The following CSRP1 variants were observed in gnomAD, a reference collection of about 807,000 sequenced individuals.
CSRP1 encodes the protein cysteine and glycine-rich protein 1.
In CSRP1, 16 loss-of-function variants were observed where a neutral mutation model predicts 25.4. That is an observed-to-expected ratio of 0.63 (90% CI 0.43 to 0.96). The LOEUF (loss-of-function observed/expected upper bound fraction) is 0.96, where lower values mean the gene tolerates loss of function less well. Ranked by LOEUF, CSRP1 falls within the 40% of genes least tolerant of loss-of-function variation. The pLI, the probability that CSRP1 is intolerant of heterozygous loss-of-function variation, is 0.00. For synonymous variants in CSRP1, 97 were observed against 95.3 expected (o/e 1.02, Z -0.10); for missense variants, 212 against 243.6 (o/e 0.87, Z 0.86).
At chr1:201,506,183 C>T (rs1664817870) in intron 1 of CSRP1, among the ~76,000 whole-genome samples, 1 of 152,126 alleles carries the variant, frequency 6.6e-6, no homozygotes, top group Admixed American at 6.5e-5. Context: ...TCTACCAGGG[C>T]CCAGTGGATT....
In CSRP1 at chr1:201,485,217, C is replaced by T. The variant is rs1571771611; in HGVS notation, c.505+66G>A. On this transcript the variant is annotated intron_variant, in intron 5 of 5. Coordinates refer to ENST00000340006, the MANE Select transcript of CSRP1 (RefSeq NM_004078.3). ...GGAATTAGTTTACATTCAGCAAAGG[C>T]AAAACTACTTAGCCCCCCTACCCCC... is the stretch of plus-strand genomic sequence containing the variant. The T allele has an allele frequency of 3.5e-6, 5 of 1,420,448 alleles. No individual in the cohort carries two copies. In the East Asian group the frequency reaches 9.1e-5, roughly 26 times the overall value. The allele number at this position is 1,420,448 out of a possible 1,614,324, so 88.0% of individuals were successfully genotyped here. A position where few individuals can be genotyped will look rare whatever the true frequency, so the allele number is the denominator to read the frequency against.
intron 4 of CSRP1, 146 bp from the exon 5 acceptor site, chr1:201,485,522 C>A (rs925747441): frequency 2.9e-6 from 2 of 691,264 alleles, no homozygotes; most frequent in African/African-American, 1.8e-5. Flanking sequence ...GAGGACATGG[C>A]CTATGGTGCA....
rs1344585783 is a variant in CSRP1 at position 201,486,909 on chromosome 1, A to G, written c.412-1533T>C. 6 of 1,261,848 alleles carry G rather than the reference A, an allele frequency of 4.8e-6. No individual in the cohort carries two copies. The South Asian group carries it at 8.3e-5, about 17-fold the overall frequency. The allele number at this position is 1,261,848 out of a possible 1,614,324, so 78.2% of individuals were successfully genotyped here. On this transcript the variant is annotated intron_variant, in intron 4 of 5. Coordinates refer to ENST00000340006, the MANE Select transcript of CSRP1 (RefSeq NM_004078.3). ...CTATTCTTAATAATTTTCTATTCTCATAATGAGATAGAACAAAAAACCCAA... is the reference window on the plus strand; with the variant it reads ...CTATTCTTAATAATTTTCTATTCTCGTAATGAGATAGAACAAAAAACCCAA...
chr1:201,488,778 C>A, intron 4 of CSRP1, 77 bp downstream of exon 4: 1 of 1,564,248 alleles, frequency 6.4e-7, no homozygotes, highest in South Asian at 1.2e-5. Flanking sequence ...AGCTAGGTCA[C>A]CAATTTAAAA....
chr1:201,484,781 C>T lies in CSRP1; in HGVS notation c.514G>A (p.Ala172Thr). ...AAGCCCTTGGGCCCGAAGTTTTTAG[C>T]ATAACATCCTGCAGAGAGAGGAGAG... ...DGEIYCKGCY[A>T]KNFGPKGFGF... Residue 172 changes from alanine to threonine, a missense_variant, in exon 6 of 6, where the codon GCT (alanine) becomes ACT (threonine). Coordinates refer to ENST00000340006, the MANE Select transcript of CSRP1 (RefSeq NM_004078.3). 1 of 1,611,510 alleles carries T rather than the reference C, an allele frequency of 6.2e-7. No individual in the cohort carries two copies. Among genetic ancestry groups the T allele is most frequent in the Non-Finnish European group, 8.5e-7 (1 of 1,179,516 alleles).
chr1:201,503,546 T>C (rs549013038), intron 1 of CSRP1, among the ~76,000 whole-genome samples: 1 of 152,236 alleles, frequency 6.6e-6, no homozygotes, highest in South Asian at 2.1e-4. Flanking sequence ...CTTCCCCTGT[T>C]GTCACCGCTG....
chr1:201,495,153 TG>T (rs1339949959), intron 2 of CSRP1, among the ~76,000 whole-genome samples: 6 of 152,304 alleles, frequency 3.9e-5, no homozygotes, highest in Non-Finnish European at 7.4e-5. Context: ...CCCAACACTT[TG>T]GGAGGCTGAG....
In CSRP1 at chr1:201,483,783, T is replaced by A; in HGVS notation, c.*930A>T. On this transcript the variant is annotated 3_prime_UTR_variant, in exon 6 of 6. Coordinates refer to ENST00000340006, the MANE Select transcript of CSRP1 (RefSeq NM_004078.3). ...GGGTCTTGGGTTAAAGGGAAGATTC[T>A]GAGGTCTCAGGGCAAAGGGAAAGGT... 2.0e-6 allele frequency: 1 copy of A among 489,332 alleles called. No individual in the cohort carries two copies. The highest frequency in any genetic ancestry group is 3.0e-5 in the Admixed American group (1 of 32,874). 30.3% of individuals were successfully genotyped at this position (489,332 alleles called of 1,614,324 possible). A position where few individuals can be genotyped will look rare whatever the true frequency, so the allele number is the denominator to read the frequency against.
intron 3 of CSRP1, 23 bp from the exon 4 acceptor site, chr1:201,489,007 T>G (rs1571775491): frequency 6.2e-7 from 1 of 1,612,550 alleles, no homozygotes; most frequent in Non-Finnish European, 8.5e-7. Flanking sequence ...GGGCATGGGG[T>G]GAGGTGACTT....
chr1:201,485,133 T>C, intron 5 of CSRP1, 150 bp downstream of exon 5: 1 of 744,748 alleles, frequency 1.3e-6, no homozygotes, highest in Non-Finnish European at 2.3e-6. Context: ...TGGTCTTGTT[T>C]CCTCATCTGT....
In CSRP1 at chr1:201,485,353, T is replaced by C; in HGVS notation, c.435A>G (p.Arg145=). Residue 145 remains arginine, a synonymous_variant, in exon 5 of 6, where the codon CGA becomes CGG. Transcript: ENST00000340006. ...CAAGGCCTTTGCCACACTTGGCACA[T>C]CGAAAGCAGGCCTTATGCCAGGACT... ...AGKSWHKACF[R]CAKCGKGLES... is the part of the protein sequence containing the mutation. 1.2e-6 allele frequency: 2 copies of C among 1,614,122 alleles called. No homozygotes were observed. The highest frequency in any genetic ancestry group is 1.7e-6 in the Non-Finnish European group (2 of 1,180,010).
chr1:201,503,823 G>A (rs1209465531), intron 1 of CSRP1, among the ~76,000 whole-genome samples: 1 of 152,076 alleles, frequency 6.6e-6, no homozygotes, highest in Non-Finnish European at 1.5e-5. Flanking sequence ...TCTTTCTCAA[G>A]CACGCTCTTT....
chr1:201,496,487 CG>C, intron 1 of CSRP1, 183 bp from the exon 2 acceptor site: 1 of 611,686 alleles, frequency 1.6e-6, no homozygotes, highest in Non-Finnish European at 2.9e-6. Flanking sequence ...CGCACGTTCT[CG>C]GGGATTTCCT....
chr1:201,502,507 C>T (rs1664700753), intron 1 of CSRP1, among the ~76,000 whole-genome samples: 1 of 152,258 alleles, frequency 6.6e-6, no homozygotes, highest in African/African-American at 2.4e-5. Flanking sequence ...CTCAGGGTCA[C>T]GGGTAGGGGG....
chr1:201,496,917 C>G (rs1664530780), intron 1 of CSRP1, among the ~76,000 whole-genome samples: 1 of 152,198 alleles, frequency 6.6e-6, no homozygotes, highest in Non-Finnish European at 1.5e-5. Context: ...GCAATGCTCT[C>G]CTTCTTAACT....
At chr1:201,485,138 A>T in intron 5 of CSRP1, 145 bp downstream of exon 5, 1 of 765,406 alleles carries the variant, frequency 1.3e-6, no homozygotes, top group Non-Finnish European at 2.2e-6. Flanking sequence ...TTGTTTCCTC[A>T]TCTGTACAAT....
intron 5 of CSRP1, 113 bp from the exon 6 acceptor site, chr1:201,484,902 G>T (rs751354386): frequency 1.1e-6 from 1 of 901,146 alleles, no homozygotes; most frequent in Non-Finnish European, 1.8e-6. Context: ...TGCTAGGGAA[G>T]GAAGGTCCAC....
Position 201,484,689 on chromosome 1 carries a change from A to G in CSRP1, c.*24T>C, listed in dbSNP as rs1558305422. On this transcript the variant is annotated 3_prime_UTR_variant, in exon 6 of 6. Coordinates refer to ENST00000340006, the MANE Select transcript of CSRP1 (RefSeq NM_004078.3). ...GGCGATGAAAAGCGCAGGAGTGGGC[A>G]GGGTGTGGTGGGTGATGGTGGCCTC... 1 of 1,600,622 alleles carries G rather than the reference A, an allele frequency of 6.2e-7. No homozygotes were observed. Among genetic ancestry groups the G allele is most frequent in the East Asian group, 2.2e-5 (1 of 44,644 alleles).
chr1:201,484,790 C>G lies in CSRP1; in HGVS notation c.506-1G>C. 1 of 1,611,082 alleles carries G rather than the reference C, an allele frequency of 6.2e-7. No homozygotes were observed. The highest frequency in any genetic ancestry group is 8.5e-7 in the Non-Finnish European group (1 of 1,179,362). On this transcript the variant is annotated splice_acceptor_variant, in intron 5 of 5. Transcript: ENST00000340006. LOFTEE classifies it high-confidence loss of function. ...GGCCCGAAGTTTTTAGCATAACATC[C>G]TGCAGAGAGAGGAGAGAGATAAGGG...
Sources: allele counts gnomAD v4.1 joint callset (sites outside exome capture counted in the v4.1 genomes callset), GRCh38; gene constraint gnomAD v4.1.1; transcripts MANE v1.5; gene names NCBI Gene and HGNC (gene_info 2026-07-23, HGNC 2026-07-21).